The following FRG1 variants were observed in gnomAD, a reference collection of about 807,000 sequenced individuals.
The protein encoded by FRG1 is protein FRG1.
FRG1 carries 19 observed loss-of-function variants against 37.0 expected under a neutral mutation model. The observed-to-expected ratio is 0.51, with a 90% confidence interval of 0.36 to 0.75. FRG1 has a LOEUF of 0.75. Among genes scored for constraint, FRG1 ranks in the 30% least tolerant of loss-of-function variants. The probability of loss-of-function intolerance (pLI) is 0.00; values close to 1 mark genes in which losing one functional copy is unlikely to be tolerated. For synonymous variants in FRG1, 73 were observed against 96.5 expected, an observed-to-expected ratio of 0.76 and a Z score of 1.43; for missense variants, 243 against 301.4, an observed-to-expected ratio of 0.81 and a Z score of 1.44.
chr4:189,957,845 G>A (rs796665362), intron 6 of FRG1, among the ~76,000 whole-genome samples: 3 of 151,904 alleles, frequency 2.0e-5, no homozygotes, highest in East Asian at 1.9e-4. Context: ...ACATGTACAC[G>A]TGGTCCAACA....
intron 6 of FRG1, among the ~76,000 whole-genome samples, chr4:189,958,672 A>C (rs573856377): frequency 0.011 from 1,736 of 152,354 alleles, 5 homozygotes; most frequent in Non-Finnish European, 0.018. Context: ...ATCATTGTAA[A>C]AGTTACACAG....
rs900053001 is a variant in FRG1, at chr4:189,961,646, G to A, written c.630-176G>A. The A allele has an allele frequency of 3.2e-5, 14 of 444,440 alleles. No individual in the cohort carries two copies. In the South Asian group the frequency reaches 3.9e-4, roughly 12 times the overall value. The allele number at this position is 444,440 out of a possible 1,614,324, so 27.5% of individuals were successfully genotyped here. ...TGTTCTCGAACTCCTGACCTTGAGC[G>A]ATGTGCCTGCCTTGGCCTCCCAAAG... On this transcript the variant is annotated intron_variant, in intron 7 of 8. Coordinates refer to ENST00000226798, the MANE Select transcript of FRG1 (RefSeq NM_004477.3).
At chr4:189,954,929 G>T (rs1452166852) in intron 4 of FRG1, 108 bp from the exon 5 acceptor site, 1 of 652,372 alleles carries the variant, frequency 1.5e-6, no homozygotes, top group Non-Finnish European at 2.7e-6. Flanking sequence ...TGTGCAGTCT[G>T]AAATTTTAGA....
At chr4:189,941,098 C>G (rs773070657) in intron 1 of FRG1, 27 bp downstream of exon 1, 1 of 1,605,908 alleles carries the variant, frequency 6.2e-7, no homozygotes, top group Non-Finnish European at 8.5e-7. Context: ...GGGCGGGAGC[C>G]TCCTCCGTTC....
intron 2 of FRG1, among the ~76,000 whole-genome samples, chr4:189,951,731 T>G (rs1240652661): frequency 1.3e-5 from 2 of 152,108 alleles, no homozygotes; most frequent in African/African-American, 4.8e-5. Context: ...AGTGGCATGA[T>G]CATAGCTCAC....
chr4:189,951,091 C>G (rs945846609), intron 2 of FRG1, among the ~76,000 whole-genome samples: 2 of 152,118 alleles, frequency 1.3e-5, no homozygotes, highest in African/African-American at 4.8e-5. Context: ...TTTATAACAA[C>G]GGCTTAAATA....
chr4:189,955,999 G>A (rs1736966934), intron 5 of FRG1, among the ~76,000 whole-genome samples: 1 of 152,092 alleles, frequency 6.6e-6, no homozygotes, highest in African/African-American at 2.4e-5. Flanking sequence ...TAATCACTTA[G>A]ACTAATTTCC....
intron 2 of FRG1, among the ~76,000 whole-genome samples, chr4:189,946,841 TTTTGTTTG>T (rs549515312): frequency 6.6e-6 from 1 of 151,792 alleles, no homozygotes; most frequent in African/African-American, 2.4e-5. Flanking sequence ...GTTCAGGGTT[TTTTGTTTG>T]TTTGTTTGTT....
chr4:189,950,699 T>A (rs199681338), intron 2 of FRG1, among the ~76,000 whole-genome samples: 3 of 149,878 alleles, frequency 2.0e-5, no homozygotes, highest in East Asian at 2.0e-4. Context: ...ATCCAAACTA[T>A]TCCATACATA....
chr4:189,948,749 G>A (rs1736633268), intron 2 of FRG1, among the ~76,000 whole-genome samples: 1 of 152,296 alleles, frequency 6.6e-6, no homozygotes, highest in African/African-American at 2.4e-5. Flanking sequence ...GGAGTGCAGT[G>A]ACATGATCGT....
intron 6 of FRG1, among the ~76,000 whole-genome samples, chr4:189,959,417 A>T (rs965244899): frequency 6.6e-6 from 1 of 152,164 alleles, no homozygotes; most frequent in African/African-American, 2.4e-5. Flanking sequence ...CAGTCAGTTC[A>T]TGGAAATCAC....
chr4:189,941,170 G>T, intron 1 of FRG1, 99 bp downstream of exon 1: 1 of 1,106,278 alleles, frequency 9.0e-7, no homozygotes, highest in Non-Finnish European at 1.3e-6. Context: ...AGCCGGCTTT[G>T]TGGCCTCCCA....
intron 2 of FRG1, among the ~76,000 whole-genome samples, chr4:189,948,102 CTT>C (rs1216475571): frequency 1.3e-5 from 2 of 152,176 alleles, no homozygotes. Flanking sequence ...GTCTTTTTCT[CTT>C]TGTCCTTCCA....
chr4:189,954,065 G>A (rs79565991), intron 4 of FRG1, among the ~76,000 whole-genome samples: 1 of 151,906 alleles, frequency 6.6e-6, no homozygotes, highest in Non-Finnish European at 1.5e-5. Context: ...ATGGACAAGG[G>A]ACATTACCAG....
Position 189,963,140 on chromosome 4 carries a change from T to G in FRG1, c.*11T>G, listed in dbSNP as rs1451752748. On this transcript the variant is annotated 3_prime_UTR_variant, in exon 9 of 9. Coordinates refer to ENST00000226798, the MANE Select transcript of FRG1 (RefSeq NM_004477.3). Reference sequence around the variant, plus strand: ...AGATACTGCAAGTGACTGGGATTTTTGTTTCTGCCTTATCTTTCTGTGTTT... The same window carrying G: ...AGATACTGCAAGTGACTGGGATTTTGGTTTCTGCCTTATCTTTCTGTGTTT... 3.1e-6 allele frequency: 5 copies of G among 1,610,266 alleles called. No individual in the cohort carries two copies. Among genetic ancestry groups the G allele is most frequent in the Non-Finnish European group, 4.2e-6 (5 of 1,177,278 alleles).
At chr4:189,953,011 T>C (rs1736822959) in intron 3 of FRG1, 57 bp from the exon 4 acceptor site, 1 of 1,515,372 alleles carries the variant, frequency 6.6e-7, no homozygotes, top group East Asian at 2.5e-5. Flanking sequence ...AACAAAATAA[T>C]GTCTTTATAT....
At position 189,941,042 on chromosome 4, in the gene FRG1, G is replaced by C. The variant is rs1460226985; in HGVS notation, c.33G>C (p.Lys11Asn). Reference sequence around the variant, plus strand: ...AGTACTCCTACGTGAAGTCTACCAAGCTCGTGCTCAAGGGAACCAAGACGA... The same window carrying C: ...AGTACTCCTACGTGAAGTCTACCAACCTCGTGCTCAAGGGAACCAAGACGA... MAEYSYVKSTKLVLKGTKTKS... is the reference protein window; with the variant it reads MAEYSYVKSTNLVLKGTKTKS... The change falls in exon 1 of 9, where the codon AAG becomes AAC. Residue 11 changes from lysine to asparagine, a missense_variant. This residue lies in a region of FRG1 where 110 missense variants were observed against 102.2 expected (regional missense o/e 1.08). Coordinates refer to ENST00000226798, the MANE Select transcript of FRG1 (RefSeq NM_004477.3). 1.2e-6 allele frequency: 2 copies of C among 1,614,064 alleles called. No homozygotes were observed. The highest frequency in any genetic ancestry group is 2.7e-5 in the African/African-American group (2 of 74,936).
At chr4:189,957,264 T>C (rs1579640308) in intron 5 of FRG1, 134 bp from the exon 6 acceptor site, 3 of 1,249,776 alleles carry the variant, frequency 2.4e-6, no homozygotes, top group Non-Finnish European at 3.3e-6. Flanking sequence ...TCTTGTATTA[T>C]ATTTTTCAGG....
At chr4:189,961,625 C>T (rs1392149526) in intron 7 of FRG1, 197 bp from the exon 8 acceptor site, 2 of 392,018 alleles carry the variant, frequency 5.1e-6, no homozygotes, top group Non-Finnish European at 9.2e-6. Context: ...CCAGGCTGTT[C>T]TCGAACTCCT....
Sources: gnomAD v4.1 joint callset for allele counts (sites outside exome capture counted in the v4.1 genomes callset) on GRCh38, gnomAD v4.1.1 for gene constraint, gnomAD v4.1.1 regional missense constraint, MANE v1.5 for transcripts, NCBI Gene and HGNC (gene_info 2026-07-23, HGNC 2026-07-21) for gene names.